The following CDC42SE2 variants were observed in gnomAD, a reference collection of about 807,000 sequenced individuals.
CDC42SE2 encodes the protein CDC42 small effector protein 2.
CDC42SE2 carries 3 observed loss-of-function variants against 11.5 expected under a neutral mutation model. The observed-to-expected ratio is 0.26, with a 90% confidence interval of 0.12 to 0.67. CDC42SE2 has a LOEUF of 0.67. CDC42SE2 is among the 30% of genes least tolerant of loss of function. CDC42SE2 has a pLI of 0.80. For synonymous variants in CDC42SE2, 33 were observed against 34.8 expected, an observed-to-expected ratio of 0.95 and a Z score of 0.18; for missense variants, 82 against 106.8, an observed-to-expected ratio of 0.77 and a Z score of 1.02.
At chr5:131,309,441 C>T (rs1008211873) in intron 1 of CDC42SE2, among the ~76,000 whole-genome samples, 2 of 152,090 alleles carry the variant, frequency 1.3e-5, no homozygotes, top group African/African-American at 4.8e-5. Flanking sequence ...GCGTTGGTAT[C>T]AGAATGATGC....
intron 1 of CDC42SE2, among the ~76,000 whole-genome samples, chr5:131,272,612 A>C (rs1489090327): frequency 6.6e-6 from 1 of 152,104 alleles, no homozygotes; most frequent in East Asian, 1.9e-4. Flanking sequence ...CCTGCATTCT[A>C]ATGAGCTGCA....
At chr5:131,311,760 C>T (rs1263394467) in intron 1 of CDC42SE2, among the ~76,000 whole-genome samples, 1 of 152,182 alleles carries the variant, frequency 6.6e-6, no homozygotes, top group Admixed American at 6.5e-5. Context: ...CTGCATTCTT[C>T]CCGTAGTTCT....
At position 131,393,240 on chromosome 5, in the gene CDC42SE2, T is replaced by G. The variant is rs1323728541; in HGVS notation, c.*2149T>G. 1 of 152,370 alleles carries G rather than the reference T, an allele frequency of 6.6e-6. No homozygotes were observed. The highest frequency in any genetic ancestry group is 1.9e-4 in the East Asian group (1 of 5,332). 9.4% of individuals were successfully genotyped at this position (152,370 alleles called of 1,614,324 possible). A position where few individuals can be genotyped will look rare whatever the true frequency, so the allele number is the denominator to read the frequency against. ...ACTTTATCTTCTGCCTTCATTTACCTTAGTCCAAGATTCTTGCAAAACAGG... is the reference window on the plus strand; with the variant it reads ...ACTTTATCTTCTGCCTTCATTTACCGTAGTCCAAGATTCTTGCAAAACAGG... On this transcript the variant is annotated 3_prime_UTR_variant, in exon 5 of 5. Transcript: ENST00000505065.
At chr5:131,385,867 C>G (rs1750466013) in intron 4 of CDC42SE2, among the ~76,000 whole-genome samples, 1 of 152,196 alleles carries the variant, frequency 6.6e-6, no homozygotes, top group South Asian at 2.1e-4. Context: ...TTGTACGCAA[C>G]TCTTCATAGC....
At chr5:131,287,969 C>T (rs979926209) in intron 1 of CDC42SE2, among the ~76,000 whole-genome samples, 4 of 151,890 alleles carry the variant, frequency 2.6e-5, no homozygotes, top group Non-Finnish European at 4.4e-5. Flanking sequence ...AGTGGCCGGG[C>T]GTGGTGGCTC....
intron 1 of CDC42SE2, among the ~76,000 whole-genome samples, chr5:131,303,992 C>T (rs1203075584): frequency 1.3e-5 from 2 of 151,146 alleles, no homozygotes; most frequent in African/African-American, 4.9e-5. Context: ...GACAGTCTTG[C>T]TCTCTTGCCC....
chr5:131,317,404 C>T (rs978809813), intron 2 of CDC42SE2, among the ~76,000 whole-genome samples: 3 of 152,098 alleles, frequency 2.0e-5, no homozygotes, highest in Non-Finnish European at 4.4e-5. Context: ...GAATGAGGGA[C>T]GTCAATAGTA....
intron 3 of CDC42SE2, among the ~76,000 whole-genome samples, chr5:131,374,286 G>A (rs2149781973): frequency 6.6e-6 from 1 of 152,174 alleles, no homozygotes; most frequent in Non-Finnish European, 1.5e-5. Flanking sequence ...TTCATTAAAA[G>A]GTAAGCAAAC....
chr5:131,366,814 A>G (rs1210226463), intron 3 of CDC42SE2, among the ~76,000 whole-genome samples: 3 of 152,032 alleles, frequency 2.0e-5, no homozygotes, highest in African/African-American at 7.2e-5. Context: ...GCTAGAGCCT[A>G]GGAGTTCGAG....
the CDC42SE2 span, among the ~76,000 whole-genome samples, chr5:131,231,992 G>A: frequency 2.3e-4 from 35 of 151,974 alleles, no homozygotes; most frequent in Non-Finnish European, 3.5e-4. Flanking sequence ...GTTTCACCAC[G>A]TTGGCCAGGC....
At chr5:131,336,805 G>T (rs1206099966) in intron 2 of CDC42SE2, among the ~76,000 whole-genome samples, 1 of 152,124 alleles carries the variant, frequency 6.6e-6, no homozygotes, top group Admixed American at 6.5e-5. Flanking sequence ...TCCTTGTGCT[G>T]TGGTTTTCAG....
chr5:131,285,918 T>C (rs1757330339), intron 1 of CDC42SE2, among the ~76,000 whole-genome samples: 1 of 152,146 alleles, frequency 6.6e-6, no homozygotes, highest in Admixed American at 6.6e-5. Flanking sequence ...TGCTCACCAC[T>C]TAAATCAGCA....
the CDC42SE2 span, among the ~76,000 whole-genome samples, chr5:131,231,505 G>A: frequency 4.6e-5 from 7 of 152,128 alleles, no homozygotes; most frequent in East Asian, 7.7e-4. Context: ...GGTTTCTTTC[G>A]GTCTGGGCCA....
At chr5:131,369,687 C>CT (rs879125234) in intron 3 of CDC42SE2, among the ~76,000 whole-genome samples, 12 of 152,148 alleles carry the variant, frequency 7.9e-5, no homozygotes, top group Admixed American at 7.2e-4. Context: ...AACAGTAACT[C>CT]TGACTTATTA....
chr5:131,332,169 C>A (rs1036938557), intron 2 of CDC42SE2, among the ~76,000 whole-genome samples: 2 of 152,058 alleles, frequency 1.3e-5, no homozygotes, highest in Admixed American at 6.5e-5. Flanking sequence ...TTCCTGTGTC[C>A]ATGTGTTCTC....
At chr5:131,370,363 C>T (rs1287753783) in intron 3 of CDC42SE2, among the ~76,000 whole-genome samples, 3 of 151,822 alleles carry the variant, frequency 2.0e-5, no homozygotes, top group Non-Finnish European at 4.4e-5. Flanking sequence ...TTTCTATATG[C>T]CCATTGGAAA....
At chr5:131,327,453 T>C (rs1758321751) in intron 2 of CDC42SE2, among the ~76,000 whole-genome samples, 1 of 152,188 alleles carries the variant, frequency 6.6e-6, no homozygotes, top group Non-Finnish European at 1.5e-5. Context: ...TTCTTTTTCT[T>C]TTGAGTATTC....
intron 3 of CDC42SE2, among the ~76,000 whole-genome samples, chr5:131,384,083 C>A (rs1006925802): frequency 1.3e-5 from 2 of 152,076 alleles, no homozygotes; most frequent in African/African-American, 4.8e-5. Flanking sequence ...TTCAGATAAC[C>A]GTGTGCCACG....
chr5:131,337,374 C>T (rs1481568591), intron 2 of CDC42SE2, among the ~76,000 whole-genome samples: 1 of 152,208 alleles, frequency 6.6e-6, no homozygotes, highest in South Asian at 2.1e-4. Flanking sequence ...GTCAAGTCTG[C>T]CCCTACTGGG....
Sources: allele counts gnomAD v4.1 joint callset (sites outside exome capture counted in the v4.1 genomes callset), GRCh38; gene constraint gnomAD v4.1.1; transcripts MANE v1.5; gene names NCBI Gene and HGNC (gene_info 2026-07-23, HGNC 2026-07-21).